CFAP92: variants seen among roughly 807,000 people sequenced by gnomAD.
CFAP92 encodes the protein cilia and flagella associated protein 92 (putative), also known as uncharacterized protein CFAP92.
CFAP92 carries 86 observed loss-of-function variants against 106.3 expected under a neutral mutation model. That is an observed-to-expected ratio of 0.81 (90% CI 0.68 to 0.97). The LOEUF (loss-of-function observed/expected upper bound fraction) is 0.97. Among genes scored for constraint, CFAP92 ranks in the 50% least tolerant of loss-of-function variants. The pLI is 0.00. For synonymous variants in CFAP92, 477 were observed against 506.4 expected, an observed-to-expected ratio of 0.94 and a Z score of 0.78; for missense variants, 1,204 against 1,283.8, an observed-to-expected ratio of 0.94 and a Z score of 0.95.
At chr3:129,015,835 C>G in the CFAP92 span, among the ~76,000 whole-genome samples, 3 of 151,656 alleles carry the variant, frequency 2.0e-5, no homozygotes, top group African/African-American at 7.3e-5. Flanking sequence ...ACATGTTGCT[C>G]TCTGTTTCCT....
chr3:129,018,076 G>A, the CFAP92 span, among the ~76,000 whole-genome samples: 2 of 152,148 alleles, frequency 1.3e-5, no homozygotes, highest in Non-Finnish European at 2.9e-5. Context: ...CCCTCAGGGT[G>A]GTCTTTTTAT....
chr3:128,943,920 GTTTTT>G (rs768570835), intron 10 of CFAP92, among the ~76,000 whole-genome samples: 3 of 110,132 alleles, frequency 2.7e-5, no homozygotes, highest in African/African-American at 1.1e-4. Context: ...TATTTCCCCC[GTTTTT>G]TTTTTTTTTT....
At chr3:128,940,130 G>A (rs1291123222) in intron 10 of CFAP92, among the ~76,000 whole-genome samples, 1 of 152,188 alleles carries the variant, frequency 6.6e-6, no homozygotes, top group East Asian at 1.9e-4. Context: ...ATGTCATGGT[G>A]TTTCATTCCT....
At chr3:128,980,236 A>G (rs548340143) in intron 4 of CFAP92, among the ~76,000 whole-genome samples, 11 of 151,768 alleles carry the variant, frequency 7.2e-5, no homozygotes, top group African/African-American at 2.7e-4. Context: ...GCATGGTGGC[A>G]TGCACCTGTA....
At chr3:128,935,450 G>A (rs545663651) in intron 10 of CFAP92, 131 bp from the exon 11 acceptor site, 22 of 553,604 alleles carry the variant, frequency 4.0e-5, no homozygotes, top group African/African-American at 2.2e-4. Context: ...GGTGACTCAC[G>A]CCTATAATCC....
intron 12 of CFAP92, among the ~76,000 whole-genome samples, chr3:128,923,243 C>T (rs1411380280): frequency 6.6e-6 from 1 of 152,176 alleles, no homozygotes. Context: ...GGGGTTCCCC[C>T]AGTACGAGCC....
intron 15 of CFAP92, 102 bp downstream of exon 15, chr3:128,915,017 T>C (rs1448326563): frequency 8.6e-7 from 1 of 1,166,662 alleles, no homozygotes; most frequent in East Asian, 2.6e-5. Context: ...GTTTGGTTGA[T>C]AGTGTAAACA....
intron 10 of CFAP92, among the ~76,000 whole-genome samples, chr3:128,936,220 A>G (rs932930233): frequency 2.0e-5 from 3 of 152,264 alleles, no homozygotes; most frequent in Admixed American, 1.3e-4. Context: ...GGTGAAGTCT[A>G]CAATGCCTTC....
chr3:128,992,226 ATACACCT>A (rs1195904350), intron 2 of CFAP92, among the ~76,000 whole-genome samples: 1 of 152,182 alleles, frequency 6.6e-6, no homozygotes, highest in Non-Finnish European at 1.5e-5. Flanking sequence ...TAGCTAATTG[ATACACCT>A]TTACATTCAG....
chr3:129,001,564 C>A (rs1245143396), intron 1 of CFAP92: 1 of 1,348,900 alleles, frequency 7.4e-7, no homozygotes, highest in Non-Finnish European at 9.5e-7. Context: ...CTGGGGCCGC[C>A]CCTGGAAGTG....
At chr3:128,981,613 G>A (rs1397709077) in intron 4 of CFAP92, among the ~76,000 whole-genome samples, 3 of 152,246 alleles carry the variant, frequency 2.0e-5, no homozygotes, top group Admixed American at 6.5e-5. Context: ...TTACAGGCTT[G>A]AGCCACCGCA....
intron 15 of CFAP92, chr3:128,914,917 T>A: frequency 1.7e-6 from 1 of 582,874 alleles, no homozygotes; most frequent in African/African-American, 1.9e-5. Flanking sequence ...AATGTCACAC[T>A]TGGGGCTAGA....
chr3:128,978,832 C>T (rs567179266), intron 4 of CFAP92, among the ~76,000 whole-genome samples: 1 of 152,140 alleles, frequency 6.6e-6, no homozygotes, highest in Non-Finnish European at 1.5e-5. Flanking sequence ...TTAAATGTTA[C>T]ACCTAAAACC....
At position 128,915,462 on chromosome 3, in the gene CFAP92, G is replaced by A. The variant is rs1055830511; in HGVS notation, c.3018C>T (p.Arg1006=). The A allele has an allele frequency of 2.5e-5, 38 of 1,535,980 alleles. No individual in the cohort carries two copies. Among genetic ancestry groups the A allele is most frequent in the Non-Finnish European group, 2.9e-5 (33 of 1,146,932 alleles). ...EEEKKAQKKS[R]QAWLTARGFQ... ...ATCCCCTGGCTGTGAGCCAGGCCTG[G>A]CGGGATTTCTTCTGGGCTTTCTTCT... Residue 1006 remains arginine (R), a synonymous_variant, in exon 14 of 16, where the codon CGC becomes CGT. Coordinates refer to ENST00000645291, the MANE Select transcript of CFAP92 (RefSeq NM_001394090.1).
intron 12 of CFAP92, among the ~76,000 whole-genome samples, chr3:128,928,027 C>T (rs879345502): frequency 1.6e-4 from 24 of 152,032 alleles, no homozygotes; most frequent in South Asian, 4.1e-4. Context: ...CCAAGGCAGG[C>T]GGATCACAAG....
intron 12 of CFAP92, among the ~76,000 whole-genome samples, chr3:128,928,260 A>G (rs969888090): frequency 2.6e-5 from 4 of 152,152 alleles, no homozygotes; most frequent in Non-Finnish European, 4.4e-5. Context: ...CCCAAAAAAA[A>G]TAAATAAACA....
chr3:128,936,325 G>C (rs1939015610), intron 10 of CFAP92, among the ~76,000 whole-genome samples: 1 of 152,256 alleles, frequency 6.6e-6, no homozygotes, highest in East Asian at 1.9e-4. Flanking sequence ...CTTTCCACTG[G>C]GAGTTTTTCT....
chr3:128,976,995 C>G lies in CFAP92; in HGVS notation c.880G>C (p.Asp294His). The change falls in exon 6 of 16, where the codon GAT becomes CAT. Residue 294 changes from aspartate (D) to histidine (H), a missense_variant. Asp to His is a moderately conservative substitution (Grantham distance 81). Transcript: ENST00000645291. ...AATCCTTACTGAATCGTGGAAGAAT[C>G]GTCCATTTTGAGGGACTTCTCATAT... is the stretch of plus-strand genomic sequence containing the variant. ...EEYEKSLKMDDSSTIQWSVSR... is the reference protein window; with the variant it reads ...EEYEKSLKMDHSSTIQWSVSR... The G allele has an allele frequency of 6.2e-7, 1 of 1,613,656 alleles. No individual in the cohort carries two copies.
Position 128,988,916 on chromosome 3 carries a change from G to A in CFAP92, c.265C>T (p.Gln89Ter). The change falls in exon 3 of 16, where the codon CAG (glutamine) becomes TAG (stop). Residue 89 changes from glutamine (Q) to a stop codon, truncating the protein, a stop_gained and splice_region_variant. Transcript: ENST00000645291. LOFTEE classifies it high-confidence loss of function. ...ISLAFPVNMGQKGKYASLIEK... is the reference protein window; with the variant it reads ...ISLAFPVNMG Reference sequence around the variant, plus strand: ...ATCAAACTTGCATATTTTCCCTTCTGACCTTGAAGATACAGATTGAAAAAG... The same window carrying A: ...ATCAAACTTGCATATTTTCCCTTCTAACCTTGAAGATACAGATTGAAAAAG... 1 of 1,609,838 alleles carries A rather than the reference G, an allele frequency of 6.2e-7. No individual in the cohort carries two copies. Among genetic ancestry groups the A allele is most frequent in the Non-Finnish European group, 8.5e-7 (1 of 1,176,988 alleles).
Sources: allele counts gnomAD v4.1 joint callset (sites outside exome capture counted in the v4.1 genomes callset), GRCh38; gene constraint gnomAD v4.1.1; transcripts MANE v1.5; gene names NCBI Gene and HGNC (gene_info 2026-07-23, HGNC 2026-07-21).